Variants in SVEP1 observed in about 807,000 individuals in gnomAD.
The protein encoded by SVEP1 is sushi, von Willebrand factor type A, EGF and pentraxin domain-containing protein 1.
In SVEP1, 164 loss-of-function variants were observed where a neutral mutation model predicts 367.3. That is an observed-to-expected ratio of 0.45 (90% CI 0.39 to 0.51). The LOEUF (loss-of-function observed/expected upper bound fraction) is 0.51, where lower values mean the gene tolerates loss of function less well. Ranked by LOEUF, SVEP1 falls within the 20% of genes least tolerant of loss-of-function variation. SVEP1 has a pLI of 0.00. For synonymous variants in SVEP1, 1,666 were observed against 1,611.6 expected (o/e 1.03, Z -0.81); for missense variants, 4,117 against 4,425.3 (o/e 0.93, Z 1.98).
intron 43 of SVEP1, among the ~76,000 whole-genome samples, chr9:110,384,346 T>A (rs1189550509): frequency 6.6e-6 from 1 of 151,956 alleles, no homozygotes; most frequent in African/African-American, 2.4e-5. Flanking sequence ...TTTCTGTGGA[T>A]TGCGCCAACT....
At chr9:110,395,999 A>C (rs1182364713) in intron 40 of SVEP1, among the ~76,000 whole-genome samples, 1 of 151,982 alleles carries the variant, frequency 6.6e-6, no homozygotes. Flanking sequence ...TGCACCAAGC[A>C]GACCTAATAG....
At chr9:110,516,049 C>T (rs909039474) in intron 3 of SVEP1, among the ~76,000 whole-genome samples, 41 of 151,656 alleles carry the variant, frequency 2.7e-4, no homozygotes, top group African/African-American at 9.2e-4. Context: ...ACTACACGTG[C>T]TGTGAGTCAA....
At chr9:110,463,269 C>T (rs1290052460) in intron 18 of SVEP1, among the ~76,000 whole-genome samples, 1 of 151,956 alleles carries the variant, frequency 6.6e-6, no homozygotes, top group East Asian at 1.9e-4. Flanking sequence ...TGATAAAAAT[C>T]ATTTTTAATG....
chr9:110,545,823 T>C (rs766380912), intron 3 of SVEP1, among the ~76,000 whole-genome samples: 15 of 152,136 alleles, frequency 9.9e-5, no homozygotes, highest in Non-Finnish European at 1.8e-4. Flanking sequence ...TGATGGAGTA[T>C]GAGAGGCCAC....
At chr9:110,541,796 TA>T (rs1830149700) in intron 3 of SVEP1, among the ~76,000 whole-genome samples, 1 of 144,374 alleles carries the variant, frequency 6.9e-6, no homozygotes, top group Admixed American at 7.0e-5. Context: ...CATAGATATC[TA>T]TATATATCTA....
chr9:110,499,091 C>T lies in SVEP1; in HGVS notation c.1631G>A (p.Cys544Tyr), dbSNP rs568541044. The T allele has an allele frequency of 6.2e-7, 1 of 1,613,732 alleles. No individual in the cohort carries two copies. The highest frequency in any genetic ancestry group is 1.7e-5 in the Admixed American group (1 of 59,942). ...ILSGVKEMLR[C>Y]TTSGKWNVGV... ...GACATTCCATTTTCCAGAAGTGGTA[C>T]ATCTCAGCATTTCTTTGACTCCAGA... Residue 544 changes from cysteine to tyrosine, a missense_variant, in exon 7 of 48, where the codon TGT becomes TAT. This residue lies in a region of SVEP1 where 2,174 missense variants were observed against 2,494.3 expected (regional missense o/e 0.87). Transcript: ENST00000374469.
rs371864020 is a variant in SVEP1 at position 110,379,467 on chromosome 9, C to A, written c.10288G>T (p.Val3430Leu). 4 of 1,613,632 alleles carry A rather than the reference C, an allele frequency of 2.5e-6. No individual in the cohort carries two copies. The Admixed American group carries it at 6.7e-5, about 27-fold the overall frequency. ...AHVENAIARG[V>L]HYQYGDMITY... Reference sequence around the variant, plus strand: ...ATCATGTCTCCATATTGATAATGTACGCCTCGAGCAATTGCATTTTCTACG... The same window carrying A: ...ATCATGTCTCCATATTGATAATGTAAGCCTCGAGCAATTGCATTTTCTACG... Residue 3430 changes from valine to leucine, a missense_variant, in exon 44 of 48, where the codon GTA becomes TTA. This residue lies in a region of SVEP1 where 1,765 missense variants were observed against 1,781.1 expected (regional missense o/e 0.99). Coordinates refer to ENST00000374469, the MANE Select transcript of SVEP1 (RefSeq NM_153366.4).
chr9:110,432,388 C>A, intron 31 of SVEP1, 74 bp downstream of exon 31: 1 of 1,515,076 alleles, frequency 6.6e-7, no homozygotes, highest in Admixed American at 2.2e-5. Flanking sequence ...CCTCAAGAAC[C>A]TCAGGAATTT....
rs765660275 is a variant in SVEP1 at position 110,496,906 on chromosome 9, G to A, written c.1709C>T (p.Pro570Leu). The A allele has an allele frequency of 4.5e-6, 7 of 1,550,226 alleles. No individual in the cohort carries two copies. Among genetic ancestry groups the A allele is most frequent in the Admixed American group, 2.0e-5 (1 of 51,014 alleles). The change falls in exon 8 of 48, where the codon CCT becomes CTT. Residue 570 changes from proline to leucine, a missense_variant. Transcript: ENST00000374469. ...CAGAGTCTTAGCCTCTATGTCCTTA[G>A]GACAGTTGATTTGAGGAGCCTCCAC... Reference protein sequence around the residue: ...KDVEAPQINCPKDIEAKTLEQ... With the variant: ...KDVEAPQINCLKDIEAKTLEQ...
chr9:110,373,758 TA>T (rs10714632), intron 46 of SVEP1, among the ~76,000 whole-genome samples: 24,936 of 150,536 alleles, frequency 0.17, 2,175 homozygotes, highest in Admixed American at 0.2. Flanking sequence ...ATAAAGATGA[TA>T]AAAAAAAAAT....
At chr9:110,543,475 T>C (rs1830178804) in intron 3 of SVEP1, among the ~76,000 whole-genome samples, 1 of 148,096 alleles carries the variant, frequency 6.8e-6, no homozygotes, top group African/African-American at 2.7e-5. Flanking sequence ...CAACTACATA[T>C]ATTTTACAGA....
At chr9:110,494,453 C>T (rs934658953) in intron 8 of SVEP1, among the ~76,000 whole-genome samples, 6 of 152,176 alleles carry the variant, frequency 3.9e-5, no homozygotes, top group African/African-American at 1.4e-4. Flanking sequence ...TATTGGTATA[C>T]CCTAGAGCAA....
At chr9:110,476,370 G>T in intron 13 of SVEP1, 55 bp from the exon 14 acceptor site, 2 of 1,357,442 alleles carry the variant, frequency 1.5e-6, no homozygotes, top group Non-Finnish European at 2.1e-6. Context: ...GCATGCCTTG[G>T]ATAAACACTT....
intron 1 of SVEP1, among the ~76,000 whole-genome samples, chr9:110,556,704 G>A (rs1830361711): frequency 6.6e-6 from 1 of 152,050 alleles, no homozygotes. Context: ...GCTCAGGCTG[G>A]TCTTGAACTC....
At chr9:110,434,920 A>G (rs748312850) in intron 29 of SVEP1, among the ~76,000 whole-genome samples, 6 of 151,888 alleles carry the variant, frequency 4.0e-5, no homozygotes, top group Non-Finnish European at 7.4e-5. Flanking sequence ...ATAGAACCAA[A>G]AGAGTACCCC....
intron 1 of SVEP1, among the ~76,000 whole-genome samples, chr9:110,559,606 G>A (rs1220452028): frequency 6.6e-6 from 1 of 151,782 alleles, no homozygotes; most frequent in Non-Finnish European, 1.5e-5. Context: ...TTTTTGTTGG[G>A]AATACCACCT....
intron 7 of SVEP1, among the ~76,000 whole-genome samples, chr9:110,497,866 G>A (rs1353835921): frequency 6.6e-6 from 1 of 152,132 alleles, no homozygotes; most frequent in Non-Finnish European, 1.5e-5. Context: ...ACGTCTTCTT[G>A]TTTCTTCAAA....
At position 110,481,450 on chromosome 9, in the gene SVEP1, A is replaced by G; in HGVS notation, c.2171-14T>C. On this transcript the variant is annotated splice_polypyrimidine_tract_variant and intron_variant, in intron 11 of 47. Transcript: ENST00000374469. ...CACAGGGAGAACCTGTGTAAAAAAAATTGTACTATTCATATATAGTGGTAC... is the reference window on the plus strand; with the variant it reads ...CACAGGGAGAACCTGTGTAAAAAAAGTTGTACTATTCATATATAGTGGTAC... 1 of 1,542,896 alleles carries G rather than the reference A, an allele frequency of 6.5e-7. No individual in the cohort carries two copies. Among genetic ancestry groups the G allele is most frequent in the South Asian group, 1.3e-5 (1 of 79,312 alleles).
rs1489151928 is a variant in SVEP1, at chr9:110,370,007, T to C, written c.10610A>G (p.Gln3537Arg). The change falls in exon 47 of 48, where the codon CAG becomes CGG. Residue 3537 changes from glutamine (Q) to arginine (R), a missense_variant. Physicochemically the swap from Gln to Arg is conservative, Grantham distance 43 (BLOSUM62 1). Coordinates refer to ENST00000374469, the MANE Select transcript of SVEP1 (RefSeq NM_153366.4). ...TTTTCCACCATTTAAGCAGGGAGAC[T>C]GGCAAACAGCTGGAATAAAAAACCC... ...TGSRCHTAVCQSPCLNGGKCV... is the reference protein window; with the variant it reads ...TGSRCHTAVCRSPCLNGGKCV... 1.9e-6 allele frequency: 3 copies of C among 1,612,650 alleles called. No individual in the cohort carries two copies. Among genetic ancestry groups the C allele is most frequent in the Non-Finnish European group, 2.5e-6 (3 of 1,179,338 alleles).
Sources: allele counts gnomAD v4.1 joint callset (sites outside exome capture counted in the v4.1 genomes callset), GRCh38; gene constraint gnomAD v4.1.1; regional missense constraint gnomAD v4.1.1; transcripts MANE v1.5; gene names NCBI Gene and HGNC (gene_info 2026-07-23, HGNC 2026-07-21).